Variants in ELFN2 observed in about 807,000 individuals in gnomAD.
ELFN2 encodes protein phosphatase 1 regulatory subunit 29.
ELFN2 carries 17 observed loss-of-function variants against 45.5 expected under a neutral mutation model. The ratio of observed to expected loss-of-function variants is 0.37; its 90% confidence interval spans 0.26 to 0.56. ELFN2 has a LOEUF of 0.56. ELFN2 is among the 20% of genes least tolerant of loss of function. The pLI, the probability that ELFN2 is intolerant of heterozygous loss-of-function variation, is 0.77. For missense variants in ELFN2, 922 were observed against 1,183.2 expected, an observed-to-expected ratio of 0.78 and a Z score of 3.24; for synonymous variants, 550 against 551.5, an observed-to-expected ratio of 1.00 and a Z score of 0.04.
intron 2 of ELFN2, among the ~76,000 whole-genome samples, chr22:37,380,470 G>A (rs943772926): frequency 1.3e-5 from 2 of 152,174 alleles, no homozygotes; most frequent in African/African-American, 4.8e-5. Flanking sequence ...TCCCGCTTGT[G>A]TGGCCACACT....
chr22:37,374,950 G>A lies in ELFN2; in HGVS notation c.585C>T (p.Gly195=), dbSNP rs1166003784. ...NPFNCECDLF[G]FLAWLVVFNN... Reference sequence around the variant, plus strand: ...TGAAGACCACCAGCCAGGCCAGGAAGCCGAAGAGGTCGCACTCACAGTTGA... The same window carrying A: ...TGAAGACCACCAGCCAGGCCAGGAAACCGAAGAGGTCGCACTCACAGTTGA... The change falls in exon 3 of 3, where the codon GGC becomes GGT. Residue 195 remains glycine, a synonymous_variant. Transcript: ENST00000402918. 5 of 1,613,042 alleles carry A rather than the reference G, an allele frequency of 3.1e-6. No individual in the cohort carries two copies. In the East Asian group the frequency reaches 1.1e-4, roughly 36 times the overall value.
At chr22:37,362,078 C>T (rs139458150) in intron 1 of ELFN2, among the ~76,000 whole-genome samples, 2,522 of 152,294 alleles carry the variant, frequency 0.017, 39 homozygotes, top group Middle Eastern at 0.075. Flanking sequence ...GAAACATGTC[C>T]GGGGCCAACT....
rs571341579 is a variant in ELFN2 at position 37,350,798 on chromosome 22, G to C, written n.149-8095C>G. On this transcript the variant is annotated intron_variant and non_coding_transcript_variant, in intron 1 of 2. Coordinates refer to ENST00000452946, the Ensembl canonical transcript of ELFN2. Reference sequence around the variant, plus strand: ...GCTGGGAGGCGGGACAGGCAAGGTGGTGCTTCTCCAAGACCCGAGGCCTCC... The same window carrying C: ...GCTGGGAGGCGGGACAGGCAAGGTGCTGCTTCTCCAAGACCCGAGGCCTCC... Among the ~76,000 whole-genome samples, 36 of 149,890 alleles carry C rather than the reference G, an allele frequency of 2.4e-4. 1 individual carries two copies. The highest frequency in any genetic ancestry group is 7.5e-4 in the African/African-American group (31 of 41,224).
intron 2 of ELFN2, among the ~76,000 whole-genome samples, chr22:37,412,434 A>T (rs1932671415): frequency 6.6e-6 from 1 of 152,050 alleles, no homozygotes; most frequent in Non-Finnish European, 1.5e-5. Context: ...CCCAAAGACT[A>T]AGAGGTCCCA....
Position 37,373,547 on chromosome 22 carries a change from T to C in ELFN2, c.1988A>G (p.Tyr663Cys). Reference sequence around the variant, plus strand: ...GTTGAGGGGGCTGCCCTTCTCGATGTACTTGGAGTCGCCCTTAGCCAGCCC... The same window carrying C: ...GTTGAGGGGGCTGCCCTTCTCGATGCACTTGGAGTCGCCCTTAGCCAGCCC... ...ATGLAKGDSK[Y>C]IEKGSPLNSP... is the part of the protein sequence containing the mutation. The change falls in exon 3 of 3, where the codon TAC becomes TGC. Residue 663 changes from tyrosine (Y) to cysteine (C), a missense_variant. Around this residue, in one of 2 missense-constraint regions of ELFN2, gnomAD observed 564 missense variants for 642.8 expected, o/e 0.88. Transcript: ENST00000402918. The C allele has an allele frequency of 6.3e-7, 1 of 1,594,506 alleles. No homozygotes were observed. The highest frequency in any genetic ancestry group is 8.5e-7 in the Non-Finnish European group (1 of 1,172,240).
At chr22:37,421,632 C>T (rs996327718) in intron 1 of ELFN2, among the ~76,000 whole-genome samples, 3 of 152,154 alleles carry the variant, frequency 2.0e-5, no homozygotes, top group Non-Finnish European at 2.9e-5. Flanking sequence ...GCCTGAGCCC[C>T]GGGGCCCAGC....
At chr22:37,381,648 A>G (rs951917278) in intron 2 of ELFN2, among the ~76,000 whole-genome samples, 4 of 151,940 alleles carry the variant, frequency 2.6e-5, no homozygotes, top group African/African-American at 9.7e-5. Flanking sequence ...TTAATTCTTC[A>G]TCATCGCCCT....
chr22:37,356,941 C>T (rs4821643), intron 1 of ELFN2, among the ~76,000 whole-genome samples: 45,608 of 152,086 alleles, frequency 0.3, 7,101 homozygotes, highest in Middle Eastern at 0.42. Context: ...TTGTTATCAG[C>T]GAGGAATAGG....
chr22:37,422,045 C>G (rs1601774342), intron 1 of ELFN2, among the ~76,000 whole-genome samples: 1 of 152,322 alleles, frequency 6.6e-6, no homozygotes, highest in South Asian at 2.1e-4. Context: ...TTCCCTACTT[C>G]CCCCTGAGAG....
At chr22:37,419,849 G>A (rs1396092694) in intron 1 of ELFN2, among the ~76,000 whole-genome samples, 1 of 151,994 alleles carries the variant, frequency 6.6e-6, no homozygotes, top group East Asian at 1.9e-4. Flanking sequence ...ACACCCCCTC[G>A]CCAGCAACTC....
chr22:37,394,312 G>A (rs564380846), intron 2 of ELFN2, among the ~76,000 whole-genome samples: 3 of 152,262 alleles, frequency 2.0e-5, no homozygotes, highest in Non-Finnish European at 2.9e-5. Context: ...GTGCCCCAAG[G>A]TCCTCCCCTC....
At chr22:37,393,467 T>C (rs896529697) in intron 2 of ELFN2, among the ~76,000 whole-genome samples, 7 of 152,156 alleles carry the variant, frequency 4.6e-5, no homozygotes, top group Non-Finnish European at 1.0e-4. Context: ...ACGTCCCAAA[T>C]CAGAGAGGAC....
At chr22:37,395,546 C>T (rs1210470633) in intron 2 of ELFN2, among the ~76,000 whole-genome samples, 2 of 152,206 alleles carry the variant, frequency 1.3e-5, no homozygotes, top group Admixed American at 1.3e-4. Flanking sequence ...CCTTCCCAGC[C>T]TCCTCTGCTG....
chr22:37,350,941 A>C (rs1930807923), intron 1 of ELFN2, among the ~76,000 whole-genome samples: 1 of 150,282 alleles, frequency 6.7e-6, no homozygotes, highest in African/African-American at 2.4e-5. Context: ...GAGTCAGGAA[A>C]CCAAGCTCTG....
chr22:37,367,883 G>A (rs1269227442), downstream of ELFN2: 2 of 152,596 alleles, frequency 1.3e-5, no homozygotes, highest in African/African-American at 4.8e-5. Context: ...CTCCCAGTGG[G>A]AAGGGAAATG....
intron 2 of ELFN2, among the ~76,000 whole-genome samples, chr22:37,416,516 T>C (rs888496231): frequency 5.3e-5 from 8 of 152,040 alleles, no homozygotes; most frequent in South Asian, 2.1e-4. Flanking sequence ...GAGAGACTTA[T>C]GAGATCAGAG....
intron 1 of ELFN2, among the ~76,000 whole-genome samples, chr22:37,357,311 A>G (rs1350071705): frequency 1.3e-5 from 2 of 152,186 alleles, no homozygotes; most frequent in Non-Finnish European, 2.9e-5. Context: ...GGAATGTCTT[A>G]ATAATAGACC....
chr22:37,390,902 C>G (rs1462474959), intron 2 of ELFN2, among the ~76,000 whole-genome samples: 3 of 152,308 alleles, frequency 2.0e-5, no homozygotes, highest in African/African-American at 7.2e-5. Flanking sequence ...AGGCAGAGAC[C>G]TGGGAGAAGA....
chr22:37,387,530 G>A (rs959613629), intron 2 of ELFN2, among the ~76,000 whole-genome samples: 4 of 151,980 alleles, frequency 2.6e-5, no homozygotes, highest in African/African-American at 9.7e-5. Context: ...CTGCCTTCAG[G>A]TGAAAAGATG....
Sources: gnomAD v4.1 joint callset for allele counts (sites outside exome capture counted in the v4.1 genomes callset) on GRCh38, gnomAD v4.1.1 for gene constraint, gnomAD v4.1.1 regional missense constraint, MANE v1.5 for transcripts, NCBI Gene and HGNC (gene_info 2026-07-23, HGNC 2026-07-21) for gene names.